The following CELF1 variants were observed in gnomAD, a reference collection of about 807,000 sequenced individuals.
CELF1 encodes the protein 50 kDa nuclear polyadenylated RNA-binding protein.
In CELF1, 10 loss-of-function variants were observed where a neutral mutation model predicts 61.8. That is an observed-to-expected ratio of 0.16 (90% CI 0.10 to 0.27). CELF1 has a LOEUF of 0.27. CELF1 is among the 10% of genes least tolerant of loss of function. CELF1 has a pLI of 1.00. For synonymous variants in CELF1, 236 were observed against 225.1 expected (o/e 1.05, Z -0.43); for missense variants, 380 against 639.1 (o/e 0.59, Z 4.37).
chr11:47,469,532 G>A lies in CELF1; in HGVS notation c.*2698C>T, dbSNP rs2077232404. 1 of 152,314 alleles carries A rather than the reference G, an allele frequency of 6.6e-6. No individual in the cohort carries two copies. Among genetic ancestry groups the A allele is most frequent in the African/African-American group, 2.4e-5 (1 of 41,458 alleles). 9.4% of individuals were successfully genotyped at this position (152,314 alleles called of 1,614,324 possible). A position where few individuals can be genotyped will look rare whatever the true frequency, so the allele number is the denominator to read the frequency against. ...ACTTGACAGCGAGTCTCCACTCTGA[G>A]CTGAGCCCTTTCACACGTGAGACTT... On this transcript the variant is annotated 3_prime_UTR_variant, in exon 15 of 15. Transcript: ENST00000687097.
chr11:47,560,001 C>CAAA (rs770878595), intron 2 of CELF1, among the ~76,000 whole-genome samples: 1 of 75,436 alleles, frequency 1.3e-5, no homozygotes, highest in African/African-American at 4.9e-5. Flanking sequence ...GACTCTATCT[C>CAAA]AAAAAAAAAA....
intron 1 of CELF1, among the ~76,000 whole-genome samples, chr11:47,503,491 A>G (rs1316503221): frequency 1.1e-4 from 16 of 152,352 alleles, no homozygotes; most frequent in Non-Finnish European, 2.2e-4. Flanking sequence ...AGAAGCTACT[A>G]CTGAAAAGGG....
upstream of CELF1, among the ~76,000 whole-genome samples, chr11:47,555,456 G>A (rs1449783257): frequency 1.3e-5 from 2 of 152,148 alleles, no homozygotes; most frequent in Admixed American, 1.3e-4. Context: ...TTGCAAGGGA[G>A]GAACTTGTAA....
At chr11:47,553,206 G>GAACGTA (rs577616711), upstream of CELF1, 31 of 390,010 alleles carry the variant, frequency 7.9e-5, no homozygotes, top group African/African-American at 5.2e-4. Context: ...CGGCGAGGGG[G>GAACGTA]AACGTATCAC....
chr11:47,528,513 G>C (rs1340391270), intron 1 of CELF1, among the ~76,000 whole-genome samples: 1 of 152,160 alleles, frequency 6.6e-6, no homozygotes, highest in Non-Finnish European at 1.5e-5. Context: ...CACTTTGGGA[G>C]GCCGAGGTGG....
chr11:47,489,461 A>G (rs754687325), intron 3 of CELF1, among the ~76,000 whole-genome samples: 27 of 152,356 alleles, frequency 1.8e-4, no homozygotes, highest in Admixed American at 7.2e-4. Context: ...AATGTATACA[A>G]TGACAGGTGA....
rs373859707 is a variant in CELF1, at chr11:47,549,150, CT to C, written c.-154+3841del. On this transcript the variant is annotated intron_variant, in intron 1 of 14. Coordinates refer to ENST00000687097, the MANE Select transcript of CELF1 (RefSeq NM_001376376.1). ...GTAGAGAAACTGGAACCCTTGTGTA[CT>C]ACTGGCAAGACTGTAAAATGGTGCA... 6.5e-4 allele frequency among the ~76,000 whole-genome samples: 99 copies of C among 152,206 alleles called. 1 individual carries two copies. Among genetic ancestry groups the C allele is most frequent in the African/African-American group, 2.3e-3 (97 of 41,540 alleles).
intron 2 of CELF1, among the ~76,000 whole-genome samples, chr11:47,564,049 G>T (rs1460797515): frequency 6.6e-6 from 1 of 151,504 alleles, no homozygotes; most frequent in Non-Finnish European, 1.5e-5. Context: ...TGCTTGGGCC[G>T]GGCGTGTGGC....
rs371675789 is a variant in CELF1 at position 47,528,354 on chromosome 11, CTGTA to C, written c.-154+24634_-154+24637del. Among the ~76,000 whole-genome samples, 165 of 152,272 alleles carry C rather than the reference CTGTA, an allele frequency of 1.1e-3. 2 individuals are homozygous for C. Among genetic ancestry groups the C allele is most frequent in the African/African-American group, 3.9e-3 (161 of 41,564 alleles). ...TTATACTATGTGTAAAACTCTACCT[CTGTA>C]TGCATTTATAAGGAAATGGATTCAC... is the stretch of plus-strand genomic sequence containing the variant. On this transcript the variant is annotated intron_variant, in intron 1 of 14. Coordinates refer to ENST00000687097, the MANE Select transcript of CELF1 (RefSeq NM_001376376.1).
rs150667766 is a variant in CELF1, at chr11:47,475,730, C to T, written c.1088-209G>A. ...AATGGGGACATTAAGAAATGCCATA[C>T]GCGGGTGTTGTGCTCCCCATTACCT... On this transcript the variant is annotated intron_variant, in intron 12 of 14. Coordinates refer to ENST00000687097, the MANE Select transcript of CELF1 (RefSeq NM_001376376.1). Among the ~76,000 whole-genome samples, 86 of 152,268 alleles carry T rather than the reference C, an allele frequency of 5.6e-4. 3 individuals are homozygous for T. The highest frequency in any genetic ancestry group is 1.9e-3 in the African/African-American group (77 of 41,540).
At chr11:47,481,462 A>T (rs1327969797) in intron 9 of CELF1, among the ~76,000 whole-genome samples, 1 of 152,168 alleles carries the variant, frequency 6.6e-6, no homozygotes, top group Admixed American at 6.5e-5. Context: ...TATTAGAAAT[A>T]TGAAAACCAC....
At chr11:47,520,022 C>A (rs1597776339) in intron 1 of CELF1, among the ~76,000 whole-genome samples, 2 of 139,360 alleles carry the variant, frequency 1.4e-5, no homozygotes, top group East Asian at 2.1e-4. Context: ...AAAAAAAAAG[C>A]CAGGAGATCT....
chr11:47,495,889 A>C, intron 3 of CELF1: 113 of 626,544 alleles, frequency 1.8e-4, no homozygotes, highest in South Asian at 3.5e-4. Context: ...CCCCTTTCTC[A>C]TTACCTGTTG....
rs868436512 is a variant in CELF1 at position 47,546,132 on chromosome 11, G to A, written c.-154+6860C>T. Among the ~76,000 whole-genome samples the A allele has an allele frequency of 5.7e-4, 87 of 151,368 alleles. 3 individuals carry two copies. The highest frequency in any genetic ancestry group is 1.9e-3 in the African/African-American group (78 of 41,270). On this transcript the variant is annotated intron_variant, in intron 1 of 14. Transcript: ENST00000687097. ...TCACCGTGTTAGCCAGGATGGTCTCGATCTCCTGACCTTGTGATCTGCCTG... is the reference window on the plus strand; with the variant it reads ...TCACCGTGTTAGCCAGGATGGTCTCAATCTCCTGACCTTGTGATCTGCCTG...
At chr11:47,484,657 G>T in intron 6 of CELF1, 134 bp from the exon 7 acceptor site, 3 of 690,838 alleles carry the variant, frequency 4.3e-6, no homozygotes, top group Admixed American at 3.1e-5. Context: ...ACACACATTT[G>T]TTTTTTGTAT....
Position 47,494,358 on chromosome 11 carries a change from C to A in CELF1, c.71+5095G>T, listed in dbSNP as rs894818085. On this transcript the variant is annotated intron_variant, in intron 3 of 14. Transcript: ENST00000687097. ...GAGGAGGTAGTTACTCTCATTGTTGCTTCTGCTGCCATTATTAAGAATGAG... is the reference window on the plus strand; with the variant it reads ...GAGGAGGTAGTTACTCTCATTGTTGATTCTGCTGCCATTATTAAGAATGAG... The A allele has an allele frequency of 1.0e-5, 10 of 981,866 alleles. No individual in the cohort carries two copies. The African/African-American group carries it at 1.7e-4, about 17-fold the overall frequency. 60.8% of individuals were successfully genotyped at this position (981,866 alleles called of 1,614,324 possible). A position where few individuals can be genotyped will look rare whatever the true frequency, so the allele number is the denominator to read the frequency against.
At chr11:47,524,545 G>A (rs2096135364) in intron 1 of CELF1, 1 of 152,236 alleles carries the variant, frequency 6.6e-6, no homozygotes, top group Non-Finnish European at 1.5e-5. Context: ...GAAAACCTCA[G>A]TCCTCCACAG....
chr11:47,527,340 G>A (rs761147535), intron 1 of CELF1, among the ~76,000 whole-genome samples: 15 of 152,130 alleles, frequency 9.9e-5, no homozygotes, highest in East Asian at 1.9e-4. Context: ...GCAGTTAGCC[G>A]TGATCGTGCC....
intron 8 of CELF1, 135 bp from the exon 9 acceptor site, chr11:47,482,991 G>A (rs2084288538): frequency 3.6e-6 from 3 of 822,792 alleles, no homozygotes; most frequent in Admixed American, 2.9e-5. Context: ...ATAGACACAA[G>A]AGAGAAGAGA....
Sources: allele counts gnomAD v4.1 joint callset (sites outside exome capture counted in the v4.1 genomes callset), GRCh38; gene constraint gnomAD v4.1.1; transcripts MANE v1.5; gene names NCBI Gene and HGNC (gene_info 2026-07-23, HGNC 2026-07-21).